The following AARS2 variants were observed in gnomAD, a reference collection of about 807,000 sequenced individuals.
The protein encoded by AARS2 is alanyl-tRNA synthetase 2, mitochondrial, also known as alanine--tRNA ligase, mitochondrial.
AARS2 carries 78 observed loss-of-function variants against 119.7 expected under a neutral mutation model. That is an observed-to-expected ratio of 0.65 (90% confidence interval 0.54 to 0.79). The LOEUF (loss-of-function observed/expected upper bound fraction) is 0.79. Among genes scored for constraint, AARS2 ranks in the 30% least tolerant of loss-of-function variants. The pLI is 0.00. For synonymous variants in AARS2, 502 were observed against 526.3 expected, an observed-to-expected ratio of 0.95 and a Z score of 0.63; for missense variants, 1,157 against 1,291.3, an observed-to-expected ratio of 0.90 and a Z score of 1.59.
Position 44,299,268 on chromosome 6 carries a change from T to C in AARS2, c.*1279A>G, listed in dbSNP as rs1785170642. Among the ~76,000 whole-genome samples, 2 of 152,032 alleles carry C rather than the reference T, an allele frequency of 1.3e-5. No homozygotes were observed. The highest frequency in any genetic ancestry group is 4.1e-4 in the South Asian group (2 of 4,826). On this transcript the variant is annotated 3_prime_UTR_variant, in exon 22 of 22. Transcript: ENST00000244571. ...ATCTGACACTTTCTCCCTTCTTTTT[T>C]TTAAGACAGGGTCTCACTCTGTTGC...
rs1198220373 is a variant in AARS2, at chr6:44,305,664, C to T, written c.1423G>A (p.Glu475Lys). The change falls in exon 10 of 22, where the codon GAG (glutamate) becomes AAG (lysine). Residue 475 changes from glutamate to lysine, a missense_variant. Glu to Lys is a moderately conservative substitution (Grantham distance 56). Transcript: ENST00000244571. This position sits in a 1 kb window ranked among gnomAD's most constrained non-coding sequence, Gnocchi z 4.6. ...GCCACAGCTTGTACCTGGGCCTCCT[C>T]TTGGGCCAACCGCTCCAGTCCAGCG... ...DSAGLERLAQEEAQHRARQAE... is the reference protein window; with the variant it reads ...DSAGLERLAQKEAQHRARQAE... 6.2e-7 allele frequency: 1 copy of T among 1,614,112 alleles called. No individual in the cohort carries two copies. Among genetic ancestry groups the T allele is most frequent in the Non-Finnish European group, 8.5e-7 (1 of 1,180,006 alleles).
At chr6:44,311,234 C>T in intron 3 of AARS2, 73 bp from the exon 4 acceptor site, 1 of 1,603,268 alleles carries the variant, frequency 6.2e-7, no homozygotes, top group Non-Finnish European at 8.5e-7. Context: ...CCATGAGAGC[C>T]CCTCCCTCAA....
intron 14 of AARS2, 30 bp downstream of exon 14, chr6:44,304,151 A>G (rs750362440): frequency 6.2e-7 from 1 of 1,612,002 alleles, no homozygotes; most frequent in Non-Finnish European, 8.5e-7. Flanking sequence ...GTCACCTCAC[A>G]TGAAGCCTGT....
intron 5 of AARS2, among the ~76,000 whole-genome samples, chr6:44,310,082 C>A (rs180732166): frequency 6.6e-6 from 1 of 152,156 alleles, no homozygotes; most frequent in Admixed American, 6.5e-5. Flanking sequence ...GCACTCAACA[C>A]GTATTTTCTA....
In AARS2 at chr6:44,301,193, G is replaced by A. The variant is rs1383066161; in HGVS notation, c.2756C>T (p.Pro919Leu). 4 of 1,613,598 alleles carry A rather than the reference G, an allele frequency of 2.5e-6. No individual in the cohort carries two copies. In the East Asian group the frequency reaches 8.9e-5, roughly 36 times the overall value. Residue 919 changes from proline (P) to leucine (L), a missense_variant, in exon 21 of 22, where the codon CCC becomes CTC. Transcript: ENST00000244571. Reference sequence around the variant, plus strand: ...ACAGGCACACAGCACCTTCCCCATGGGCTGGGGGCTGAGTAGGAGCACAGA... The same window carrying A: ...ACAGGCACACAGCACCTTCCCCATGAGCTGGGGGCTGAGTAGGAGCACAGA... ...STSVLLLSPQ[P>L]MGKVLCACQV... is the part of the protein sequence containing the mutation.
Position 44,308,402 on chromosome 6 carries a change from G to GT in AARS2, c.895-1009dup, listed in dbSNP as rs373014010. 1.8e-3 allele frequency among the ~76,000 whole-genome samples: 268 copies of GT among 152,114 alleles called. 1 individual carries two copies. The highest frequency in any genetic ancestry group is 6.8e-3 in the Middle Eastern group (2 of 294). On this transcript the variant is annotated intron_variant, in intron 5 of 21. Coordinates refer to ENST00000244571, the MANE Select transcript of AARS2 (RefSeq NM_020745.4). Reference sequence around the variant, plus strand: ...AAAAATACAAAAATTAGTCAGGTGTGTTGGCGGGTGCCTGTAATCCCAGCT... The same window carrying GT: ...AAAAATACAAAAATTAGTCAGGTGTGTTTGGCGGGTGCCTGTAATCCCAGCT...
At chr6:44,302,254 C>T in intron 18 of AARS2, 84 bp from the exon 19 acceptor site, 1 of 1,607,872 alleles carries the variant, frequency 6.2e-7, no homozygotes, top group Non-Finnish European at 8.5e-7. Flanking sequence ...AGGGAAGACA[C>T]CCACCCTGCA....
chr6:44,306,794 A>C, intron 7 of AARS2, 129 bp downstream of exon 7: 1 of 920,632 alleles, frequency 1.1e-6, no homozygotes. Flanking sequence ...GCTTGCTGAT[A>C]GGATGCTGGG....
rs548110065 is a variant in AARS2 at position 44,307,146 on chromosome 6, A to G, written c.1040+103T>C. The G allele has an allele frequency of 3.8e-6, 6 of 1,594,370 alleles. No homozygotes were observed. Among genetic ancestry groups the G allele is most frequent in the Non-Finnish European group, 5.1e-6 (6 of 1,167,466 alleles). ...CCACCTCAAAGCTCTCCCTCTCCCC[A>G]TTCCTCCTACTGGCTCAACCAGACC... On this transcript the variant is annotated intron_variant, in intron 6 of 21. Transcript: ENST00000244571. The surrounding 1 kb of genome is among the most constrained non-coding windows in gnomAD (Gnocchi z 4.4).
intron 4 of AARS2, 87 bp from the exon 5 acceptor site, chr6:44,310,530 G>A: frequency 6.4e-7 from 1 of 1,555,502 alleles, no homozygotes; most frequent in Non-Finnish European, 8.8e-7. Flanking sequence ...AAATGGGGGG[G>A]GGCCCAAGGG....
Position 44,305,197 on chromosome 6 carries a change from T to A in AARS2, c.1436A>T (p.His479Leu). ...AACTGGCTCAGCCTGCCGTGCCCGG[T>A]GCTGCAGGGTGGGCATGGGCATGGA... ...LERLAQEEAQ[H>L]RARQAEPVQK... The change falls in exon 11 of 22, where the codon CAC becomes CTC. Residue 479 changes from histidine to leucine, a missense_variant and splice_region_variant. By Grantham distance (99) the His-to-Leu change is moderately conservative (BLOSUM62 -3). Transcript: ENST00000244571. The surrounding 1 kb of genome is among the most constrained non-coding windows in gnomAD (Gnocchi z 4.6). 6.2e-7 allele frequency: 1 copy of A among 1,611,644 alleles called. No individual in the cohort carries two copies. The highest frequency in any genetic ancestry group is 8.5e-7 in the Non-Finnish European group (1 of 1,180,014).
chr6:44,310,529 G>T lies in AARS2; in HGVS notation c.750-86C>A, dbSNP rs975428546. The T allele has an allele frequency of 7.1e-6, 11 of 1,556,374 alleles. No homozygotes were observed. The South Asian group carries it at 1.1e-4, about 16-fold the overall frequency. On this transcript the variant is annotated intron_variant, in intron 4 of 21. Coordinates refer to ENST00000244571, the MANE Select transcript of AARS2 (RefSeq NM_020745.4). ...CCCAAGTGGAGTAGAGAAATGGGGG[G>T]GGGCCCAAGGGAGCTGACAGTGGGA...
rs1583060070 is a variant in AARS2, at chr6:44,311,006, A to T, written c.737T>A (p.Met246Lys). ...AGCACCCTATTACCTGTTGTGTTGC[A>T]TGAAGACCAGGTTCCAAAGCTCTAC... ...QLVELWNLVF[M>K]QHNREADGSL... The change falls in exon 4 of 22, where the codon ATG becomes AAG. Residue 246 changes from methionine (M) to lysine (K), a missense_variant. Met to Lys is a moderately conservative substitution (Grantham distance 95, BLOSUM62 -1). Transcript: ENST00000244571. The T allele has an allele frequency of 6.2e-7, 1 of 1,613,948 alleles. No individual in the cohort carries two copies. The highest frequency in any genetic ancestry group is 2.2e-5 in the East Asian group (1 of 44,870).
At chr6:44,312,864 TACTC>T (rs1435849879) in intron 1 of AARS2, among the ~76,000 whole-genome samples, 1 of 152,184 alleles carries the variant, frequency 6.6e-6, no homozygotes, top group African/African-American at 2.4e-5. Flanking sequence ...CTGGACCTAA[TACTC>T]AATCCCAATC....
At position 44,305,576 on chromosome 6, in the gene AARS2, C is replaced by T. The variant is rs1003502879; in HGVS notation, c.1434+77G>A. On this transcript the variant is annotated intron_variant, in intron 10 of 21. Transcript: ENST00000244571. The surrounding 1 kb of genome is among the most constrained non-coding windows in gnomAD (Gnocchi z 4.6). ...GCCTCTTGATTCCTCTCAATATTCA[C>T]AGCTCCTCCCCCAGGAGCTCAGGGC... The T allele has an allele frequency of 1.3e-6, 2 of 1,592,558 alleles. No homozygotes were observed. Among genetic ancestry groups the T allele is most frequent in the African/African-American group, 2.7e-5 (2 of 74,438 alleles).
intron 18 of AARS2, 24 bp from the exon 19 acceptor site, chr6:44,302,194 C>A (rs1785414504): frequency 1.2e-6 from 2 of 1,613,292 alleles, no homozygotes; most frequent in Non-Finnish European, 1.7e-6. Context: ...CAGTACATCA[C>A]CCCTGCCCTT....
Position 44,305,552 on chromosome 6 carries a change from C to A in AARS2, c.1434+101G>T, listed in dbSNP as rs1165526751. On this transcript the variant is annotated intron_variant, in intron 10 of 21. Coordinates refer to ENST00000244571, the MANE Select transcript of AARS2 (RefSeq NM_020745.4). The surrounding 1 kb of genome is among the most constrained non-coding windows in gnomAD (Gnocchi z 4.6). ...GGTGAGGGGACAGATCCTATCTCAGCCTCTTGATTCCTCTCAATATTCACA... is the reference window on the plus strand; with the variant it reads ...GGTGAGGGGACAGATCCTATCTCAGACTCTTGATTCCTCTCAATATTCACA... 6.4e-7 allele frequency: 1 copy of A among 1,564,244 alleles called. No individual in the cohort carries two copies. The highest frequency in any genetic ancestry group is 8.8e-7 in the Non-Finnish European group (1 of 1,139,836).
Position 44,310,987 on chromosome 6 carries a change from C to G in AARS2, c.749+7G>C. The G allele has an allele frequency of 6.2e-7, 1 of 1,613,828 alleles. No homozygotes were observed. Among genetic ancestry groups the G allele is most frequent in the Non-Finnish European group, 8.5e-7 (1 of 1,180,030 alleles). ...GGGATTCTCATCCTGCTTCAGCACC[C>G]TATTACCTGTTGTGTTGCATGAAGA... On this transcript the variant is annotated splice_region_variant and intron_variant, in intron 4 of 21. Coordinates refer to ENST00000244571, the MANE Select transcript of AARS2 (RefSeq NM_020745.4).
rs760881577 is a variant in AARS2 at position 44,302,453 on chromosome 6, G to A, written c.2425C>T (p.Leu809=). 6.2e-7 allele frequency: 1 copy of A among 1,614,132 alleles called. No individual in the cohort carries two copies. Among genetic ancestry groups the A allele is most frequent in the East Asian group, 2.2e-5 (1 of 44,886 alleles). ...GCCTCCGCCACATCCCGGCTCCCCA[G>A]ACTCAGCCGCTCAGTGGCCGCTTTC... ...EVKAATERLS[L]GSRDVAEALR... The change falls in exon 18 of 22, where the codon CTG becomes TTG. Residue 809 remains leucine (L), a synonymous_variant. Coordinates refer to ENST00000244571, the MANE Select transcript of AARS2 (RefSeq NM_020745.4).
Sources: gnomAD v4.1 joint callset for allele counts (sites outside exome capture counted in the v4.1 genomes callset) on GRCh38, gnomAD v4.1.1 for gene constraint, Gnocchi (gnomAD v3.1) non-coding constraint, MANE v1.5 for transcripts, NCBI Gene and HGNC (gene_info 2026-07-23, HGNC 2026-07-21) for gene names.